Variants in CLCN1 observed in about 807,000 individuals in gnomAD.
CLCN1 encodes chloride voltage-gated channel 1.
A neutral mutation model predicts 114.5 loss-of-function variants in CLCN1; 100 were observed. That is an observed-to-expected ratio of 0.87 (90% CI 0.74 to 1.03). CLCN1 has a LOEUF of 1.03. CLCN1 is among the 50% of genes least tolerant of loss of function. The probability of loss-of-function intolerance (pLI) is 0.00; values close to 1 mark genes in which losing one functional copy is unlikely to be tolerated. For synonymous variants in CLCN1, 485 were observed against 487.1 expected (o/e 1.00, Z 0.06); for missense variants, 1,188 against 1,250.0 (o/e 0.95, Z 0.75).
chr7:143,321,666 C>T lies in CLCN1; in HGVS notation c.563-49C>T. The T allele has an allele frequency of 1.2e-6, 2 of 1,613,660 alleles. No individual in the cohort carries two copies. The highest frequency in any genetic ancestry group is 1.7e-6 in the Non-Finnish European group (2 of 1,179,588). On this transcript the variant is annotated intron_variant, in intron 4 of 22. Coordinates refer to ENST00000343257, the MANE Select transcript of CLCN1 (RefSeq NM_000083.3). This position sits in a 1 kb window ranked among gnomAD's most constrained non-coding sequence, Gnocchi z 4.2. ...TTCCCATATTCTGGACATTCATCTCCCTTTTCACCTTCACCTTGACCCTGC... is the reference window on the plus strand; with the variant it reads ...TTCCCATATTCTGGACATTCATCTCTCTTTTCACCTTCACCTTGACCCTGC...
rs1353916643 is a variant in CLCN1, at chr7:143,324,962, A to C, written c.853+470A>C. Among the ~76,000 whole-genome samples the C allele has an allele frequency of 1.3e-5, 2 of 152,246 alleles. No individual in the cohort carries two copies. Among genetic ancestry groups the C allele is most frequent in the Non-Finnish European group, 2.9e-5 (2 of 68,038 alleles). ...ATGGGAATTCAGGTAGACCTTATTT[A>C]GATTAATGGTAAGCTTTTAGTGTGG... On this transcript the variant is annotated intron_variant, in intron 7 of 22. Coordinates refer to ENST00000343257, the MANE Select transcript of CLCN1 (RefSeq NM_000083.3). The surrounding 1 kb of genome is among the most constrained non-coding windows in gnomAD (Gnocchi z 4.6).
intron 12 of CLCN1, among the ~76,000 whole-genome samples, chr7:143,337,577 A>G (rs1405475304): frequency 1.3e-5 from 2 of 152,182 alleles, no homozygotes; most frequent in African/African-American, 4.8e-5. Context: ...GCAATTGCGC[A>G]CAGCTCTAAA....
chr7:143,345,887 G>C lies in CLCN1; in HGVS notation c.2172+125G>C, dbSNP rs1201562989. On this transcript the variant is annotated intron_variant, in intron 17 of 22. Transcript: ENST00000343257. The stretch of plus-strand genomic sequence containing the variant: ...CCCTGAAAGTAGTGGGAAGAGGGAG[G>C]GGAGAGTCTGGTAACTGAGAAAGCC... 15 of 1,365,930 alleles carry C rather than the reference G, an allele frequency of 1.1e-5. No individual in the cohort carries two copies. In the South Asian group the frequency reaches 1.7e-4, roughly 16 times the overall value. The allele number at this position is 1,365,930 out of a possible 1,614,324, so 84.6% of individuals were successfully genotyped here. A position where few individuals can be genotyped will look rare whatever the true frequency, so the allele number is the denominator to read the frequency against.
Position 143,350,970 on chromosome 7 carries a change from G to A in CLCN1, c.2595+316G>A, listed in dbSNP as rs2116398874. Among the ~76,000 whole-genome samples the A allele has an allele frequency of 6.6e-6, 1 of 152,218 alleles. No homozygotes were observed. The highest frequency in any genetic ancestry group is 2.4e-5 in the African/African-American group (1 of 41,534). ...TTTTTGTATTTTTAGTAGAGACGGG[G>A]TTTTGCCATGTTGGGCAGGCTAGTC... On this transcript the variant is annotated intron_variant, in intron 22 of 22. Transcript: ENST00000343257. The surrounding 1 kb of genome is among the most constrained non-coding windows in gnomAD (Gnocchi z 5.1).
chr7:143,342,489 A>T lies in CLCN1; in HGVS notation c.1914A>T (p.Pro638=). The T allele has an allele frequency of 1.2e-6, 2 of 1,614,110 alleles. No individual in the cohort carries two copies. The highest frequency in any genetic ancestry group is 1.7e-6 in the Non-Finnish European group (2 of 1,180,018). ...LLQTTTVKTL[P]LVDSKDSMIL... is the part of the protein sequence containing the mutation. Reference sequence around the variant, plus strand: ...AGACCACCACAGTCAAGACTTTACCACTGGTTGACTCAAAAGGTCAGTGGG... The same window carrying T: ...AGACCACCACAGTCAAGACTTTACCTCTGGTTGACTCAAAAGGTCAGTGGG... Residue 638 remains proline (P), a synonymous_variant, in exon 16 of 23, where the codon CCA becomes CCT. Transcript: ENST00000343257.
chr7:143,330,737 T>C (rs750290712), intron 7 of CLCN1, 35 bp from the exon 8 acceptor site: 2 of 1,613,560 alleles, frequency 1.2e-6, no homozygotes. Flanking sequence ...CTTTCACTGC[T>C]GGCTGCCCCC....
chr7:143,318,692 C>A (rs1300317433), intron 1 of CLCN1, among the ~76,000 whole-genome samples: 1 of 152,196 alleles, frequency 6.6e-6, no homozygotes, highest in Admixed American at 6.5e-5. Flanking sequence ...AAGCAACCCC[C>A]TTCCTTGTCT....
intron 1 of CLCN1, 93 bp downstream of exon 1, chr7:143,316,485 A>G: frequency 8.6e-7 from 1 of 1,164,018 alleles, no homozygotes; most frequent in Non-Finnish European, 1.2e-6. Flanking sequence ...GAAAAGAGGG[A>G]GCAGTGTTAC....
Position 143,321,924 on chromosome 7 carries a change from T to A in CLCN1, c.696+76T>A. On this transcript the variant is annotated intron_variant, in intron 5 of 22. Coordinates refer to ENST00000343257, the MANE Select transcript of CLCN1 (RefSeq NM_000083.3). The surrounding 1 kb of genome is among the most constrained non-coding windows in gnomAD (Gnocchi z 4.2). ...GGGTGGCACCAACTCTAGAGGGAGC[T>A]CTGGGAGTGGAAGTGGATCAGGGGA... 6.5e-7 allele frequency: 1 copy of A among 1,533,232 alleles called. No homozygotes were observed. Among genetic ancestry groups the A allele is most frequent in the Non-Finnish European group, 8.9e-7 (1 of 1,126,072 alleles). 95.0% of individuals were successfully genotyped at this position (1,533,232 alleles called of 1,614,324 possible).
intron 20 of CLCN1, among the ~76,000 whole-genome samples, chr7:143,348,697 A>G (rs1267843633): frequency 6.6e-6 from 1 of 152,252 alleles, no homozygotes; most frequent in Non-Finnish European, 1.5e-5. Flanking sequence ...GAAAGATTCA[A>G]TTATATGTTG....
Position 143,339,873 on chromosome 7 carries a change from TTG to T in CLCN1, c.1582+256_1582+257del, listed in dbSNP as rs1487909751. Among the ~76,000 whole-genome samples the T allele has an allele frequency of 6.6e-6, 1 of 152,160 alleles. No individual in the cohort carries two copies. Among genetic ancestry groups the T allele is most frequent in the African/African-American group, 2.4e-5 (1 of 41,434 alleles). On this transcript the variant is annotated intron_variant, in intron 14 of 22. Coordinates refer to ENST00000343257, the MANE Select transcript of CLCN1 (RefSeq NM_000083.3). The surrounding 1 kb of genome is among the most constrained non-coding windows in gnomAD (Gnocchi z 4.1). ...CAAATGAGATCATAAGATTCTAGGA[TTG>T]TGTCTGGATGTTTGATAAGGGTTCT... is the stretch of plus-strand genomic sequence containing the variant.
At position 143,350,228 on chromosome 7, in the gene CLCN1, C is replaced by T; in HGVS notation, c.2404-144C>T. 1 of 714,190 alleles carries T rather than the reference C, an allele frequency of 1.4e-6. No homozygotes were observed. The highest frequency in any genetic ancestry group is 1.5e-5 in the South Asian group (1 of 65,210). The allele number at this position is 714,190 out of a possible 1,614,324, so 44.2% of individuals were successfully genotyped here. A position where few individuals can be genotyped will look rare whatever the true frequency, so the allele number is the denominator to read the frequency against. ...GTCCCCTGGGAAGAAGGAGGAGGTCCTCTGATCTGGGGGATCTATGATCAG... is the reference window on the plus strand; with the variant it reads ...GTCCCCTGGGAAGAAGGAGGAGGTCTTCTGATCTGGGGGATCTATGATCAG... On this transcript the variant is annotated intron_variant, in intron 20 of 22. Transcript: ENST00000343257. This position sits in a 1 kb window ranked among gnomAD's most constrained non-coding sequence, Gnocchi z 5.1.
At chr7:143,338,026 AGTGGAGACAGG>A in intron 12 of CLCN1, among the ~76,000 whole-genome samples, 1 of 151,244 alleles carries the variant, frequency 6.6e-6, no homozygotes, top group Non-Finnish European at 1.5e-5. Context: ...TTTATTTTTT[AGTGGAGACAGG>A]GTTTCACCAT....
chr7:143,332,315 AT>A, intron 10 of CLCN1, 103 bp from the exon 11 acceptor site: 1 of 893,702 alleles, frequency 1.1e-6, no homozygotes, highest in Non-Finnish European at 1.9e-6. Flanking sequence ...ATTTAAAGAA[AT>A]GAGACTACGG....
chr7:143,331,428 G>A, intron 9 of CLCN1, 112 bp downstream of exon 9: 1 of 1,121,164 alleles, frequency 8.9e-7, no homozygotes. Context: ...AGAGTACATT[G>A]CTGGGGGGAT....
In CLCN1 at chr7:143,320,676, G is replaced by T. The variant is rs756353660; in HGVS notation, c.314G>T (p.Arg105Leu). The T allele has an allele frequency of 1.9e-6, 3 of 1,612,264 alleles. No homozygotes were observed. Among genetic ancestry groups the T allele is most frequent in the African/African-American group, 1.3e-5 (1 of 74,640 alleles). ...HYSKCQDCIH[R>L]LGQVVRRKLG... Reference sequence around the variant, plus strand: ...CATCTCTTCCTAGATTGTATCCACCGCCTGGGACAGGTGGTGAGAAGAAAA... The same window carrying T: ...CATCTCTTCCTAGATTGTATCCACCTCCTGGGACAGGTGGTGAGAAGAAAA... Residue 105 changes from arginine to leucine, a missense_variant, in exon 3 of 23, where the codon CGC becomes CTC. Coordinates refer to ENST00000343257, the MANE Select transcript of CLCN1 (RefSeq NM_000083.3).
intron 20 of CLCN1, among the ~76,000 whole-genome samples, chr7:143,349,215 T>C (rs1035546659): frequency 5.3e-5 from 8 of 152,188 alleles, no homozygotes; most frequent in Non-Finnish European, 7.3e-5. Context: ...CTAAATCTTC[T>C]CTACAACACA....
rs1268064174 is a variant in CLCN1, at chr7:143,351,917, C to A, written c.2919C>A (p.Pro973=). The A allele has an allele frequency of 1.2e-6, 2 of 1,613,680 alleles. No individual in the cohort carries two copies. Among genetic ancestry groups the A allele is most frequent in the Non-Finnish European group, 1.7e-6 (2 of 1,180,036 alleles). The change falls in exon 23 of 23, where the codon CCC becomes CCA. Residue 973 remains proline (P), a synonymous_variant. Coordinates refer to ENST00000343257, the MANE Select transcript of CLCN1 (RefSeq NM_000083.3). ...AGCTGGCCGACATCTTGCAGGGCCCCAGCCTGCGATCCACAGACGAGGAGG... is the reference window on the plus strand; with the variant it reads ...AGCTGGCCGACATCTTGCAGGGCCCAAGCCTGCGATCCACAGACGAGGAGG... ...EEELADILQG[P]SLRSTDEEDE...
At position 143,339,342 on chromosome 7, in the gene CLCN1, C is replaced by G; in HGVS notation, c.1471+20C>G. 6.3e-7 allele frequency: 1 copy of G among 1,591,476 alleles called. No homozygotes were observed. The highest frequency in any genetic ancestry group is 8.6e-7 in the Non-Finnish European group (1 of 1,159,410). On this transcript the variant is annotated intron_variant, in intron 13 of 22. Coordinates refer to ENST00000343257, the MANE Select transcript of CLCN1 (RefSeq NM_000083.3). This position sits in a 1 kb window ranked among gnomAD's most constrained non-coding sequence, Gnocchi z 4.1. ...TGCTAGGTAAGTTCTGATGGGAAGC[C>G]TGGGGTCTGACTGAGAGTTGCAATC...
Sources: allele counts gnomAD v4.1 joint callset (sites outside exome capture counted in the v4.1 genomes callset), GRCh38; gene constraint gnomAD v4.1.1; non-coding constraint Gnocchi (gnomAD v3.1); transcripts MANE v1.5; gene names NCBI Gene and HGNC (gene_info 2026-07-23, HGNC 2026-07-21).